NINJ2: variants seen among roughly 807,000 people sequenced by gnomAD.
The protein encoded by NINJ2 is ninjurin 2.
Under a neutral mutation model 11.7 loss-of-function variants are expected in NINJ2, and 12 were observed. That is an observed-to-expected ratio of 1.02 (90% CI 0.66 to 1.66). The LOEUF (loss-of-function observed/expected upper bound fraction) is 1.66. Ranked by LOEUF, NINJ2 falls within the 40% of genes most tolerant of loss-of-function variation. The pLI is 0.00. For synonymous variants in NINJ2, 93 were observed against 76.8 expected (o/e 1.21, Z -1.10); for missense variants, 187 against 181.8 (o/e 1.03, Z -0.16).
chr12:594,429 A>T (rs1947756634), intron 1 of NINJ2, among the ~76,000 whole-genome samples: 1 of 152,222 alleles, frequency 6.6e-6, no homozygotes, highest in African/African-American at 2.4e-5. Context: ...AACTACTTAC[A>T]TATAAATCTA....
chr12:589,431 C>CA (rs1455227068), intron 1 of NINJ2: 4 of 152,200 alleles, frequency 2.6e-5, no homozygotes, highest in African/African-American at 4.8e-5. Flanking sequence ...AGAATAAGCA[C>CA]AGGAAACAGA....
At chr12:578,239 CTCACTCGGG>C in intron 1 of NINJ2, among the ~76,000 whole-genome samples, 2 of 152,314 alleles carry the variant, frequency 1.3e-5, no homozygotes, top group East Asian at 3.9e-4. Flanking sequence ...ACAGGAATTG[CTCACTCGGG>C]GAGCTCGGTT....
intron 1 of NINJ2, among the ~76,000 whole-genome samples, chr12:601,515 T>C (rs1359205089): frequency 1.4e-5 from 2 of 144,794 alleles, no homozygotes; most frequent in East Asian, 4.2e-4. Context: ...GCCACTGCAC[T>C]CCAGCCTGGG....
chr12:576,439 G>A (rs144355757), intron 1 of NINJ2, among the ~76,000 whole-genome samples: 80 of 152,368 alleles, frequency 5.3e-4, no homozygotes, highest in African/African-American at 1.9e-3. Context: ...GGGAAGAACA[G>A]GAAAGCACGT....
chr12:652,754 C>T (rs1204149074), intron 1 of NINJ2, among the ~76,000 whole-genome samples: 1 of 151,688 alleles, frequency 6.6e-6, no homozygotes, highest in African/African-American at 2.4e-5. Flanking sequence ...TCAAGACCAG[C>T]CTGGCCAATA....
At chr12:660,435 G>T (rs1397689534) in intron 1 of NINJ2, among the ~76,000 whole-genome samples, 1 of 150,366 alleles carries the variant, frequency 6.7e-6, no homozygotes, top group Non-Finnish European at 1.5e-5. Flanking sequence ...CTGCCTCCCA[G>T]GTTCAAGCAA....
chr12:583,354 C>T (rs1947586042), intron 1 of NINJ2, among the ~76,000 whole-genome samples: 1 of 152,264 alleles, frequency 6.6e-6, no homozygotes, highest in Admixed American at 6.5e-5. Context: ...GTGTCAGGTC[C>T]CTGCTGTGCC....
intron 1 of NINJ2, chr12:643,311 G>GCA (rs1565646913): frequency 2.3e-6 from 1 of 443,120 alleles, no homozygotes; most frequent in East Asian, 1.6e-4. Context: ...GCACCGTCGC[G>GCA]GCCTCGCAGC....
At chr12:627,212 T>C (rs77311665) in intron 1 of NINJ2, among the ~76,000 whole-genome samples, 7,702 of 152,272 alleles carry the variant, frequency 0.051, 264 homozygotes, top group Non-Finnish European at 0.074. Flanking sequence ...AAGCAATATA[T>C]GGCAATAAGG....
rs1007443616 is a variant in NINJ2, at chr12:591,526, G to A, written c.34-25348C>T. 1.3e-5 allele frequency among the ~76,000 whole-genome samples: 2 copies of A among 152,132 alleles called. No homozygotes were observed. Among genetic ancestry groups the A allele is most frequent in the African/African-American group, 4.8e-5 (2 of 41,412 alleles). ...ACCTACTAGGTTGGTCAGAGGGTTGGGGGCAACTCTGATTGCAGAAGCTCT... is the reference window on the plus strand; with the variant it reads ...ACCTACTAGGTTGGTCAGAGGGTTGAGGGCAACTCTGATTGCAGAAGCTCT... On this transcript the variant is annotated intron_variant, in intron 1 of 3. Transcript: ENST00000305108. This position sits in a 1 kb window ranked among gnomAD's most constrained non-coding sequence, Gnocchi z 5.0.
At chr12:567,932 A>C (rs1020097267) in intron 1 of NINJ2, among the ~76,000 whole-genome samples, 1 of 152,184 alleles carries the variant, frequency 6.6e-6, no homozygotes, top group South Asian at 2.1e-4. Flanking sequence ...CACTTGAACC[A>C]GGAGGCAGAG....
chr12:622,028 T>G (rs1423810122), intron 1 of NINJ2, among the ~76,000 whole-genome samples: 2 of 142,880 alleles, frequency 1.4e-5, no homozygotes, highest in African/African-American at 2.6e-5. Context: ...GAGGCTGAGG[T>G]AGAGAACTGC....
rs188915069 is a variant in NINJ2 at position 619,182 on chromosome 12, T to C, written c.33+44146A>G. 2.7e-3 allele frequency among the ~76,000 whole-genome samples: 411 copies of C among 152,256 alleles called. 2 individuals are homozygous for C. Among genetic ancestry groups the C allele is most frequent in the Admixed American group, 0.01 (158 of 15,294 alleles). On this transcript the variant is annotated intron_variant, in intron 1 of 3. Transcript: ENST00000305108. ...CATTGGATGGAGTCCAGCAAGTATT[T>C]ATCAGGAGTTGATGGTGTGTGCAGC...
At chr12:576,019 T>G (rs1947453460) in intron 1 of NINJ2, among the ~76,000 whole-genome samples, 1 of 152,048 alleles carries the variant, frequency 6.6e-6, no homozygotes, top group Admixed American at 6.5e-5. Flanking sequence ...GCATGCAGGC[T>G]CCTGACTGCA....
In NINJ2 at chr12:614,372, G is replaced by A. The variant is rs1039416020; in HGVS notation, c.34-48194C>T. Among the ~76,000 whole-genome samples, 5 of 152,192 alleles carry A rather than the reference G, an allele frequency of 3.3e-5. No individual in the cohort carries two copies. Among genetic ancestry groups the A allele is most frequent in the Admixed American group, 6.5e-5 (1 of 15,278 alleles). ...CTTGGTCTTGGGAGAACATAAGTCT[G>A]GGTCGTTGGGTGGTGGCAGAACAAA... is the stretch of plus-strand genomic sequence containing the variant. On this transcript the variant is annotated intron_variant, in intron 1 of 3. Coordinates refer to ENST00000305108, the MANE Select transcript of NINJ2 (RefSeq NM_016533.6). The surrounding 1 kb of genome is among the most constrained non-coding windows in gnomAD (Gnocchi z 5.1).
intron 1 of NINJ2, among the ~76,000 whole-genome samples, chr12:648,055 G>A (rs958431862): frequency 6.6e-6 from 1 of 152,124 alleles, no homozygotes; most frequent in Non-Finnish European, 1.5e-5. Flanking sequence ...ATGGCAAATT[G>A]GATACATCAA....
chr12:607,260 T>C (rs999651437), intron 1 of NINJ2, among the ~76,000 whole-genome samples: 2 of 152,178 alleles, frequency 1.3e-5, no homozygotes, highest in African/African-American at 4.8e-5. Context: ...TGAGAAGCAC[T>C]GTCCTGATAT....
chr12:635,630 T>TA (rs1948342196), intron 1 of NINJ2, among the ~76,000 whole-genome samples: 1 of 152,196 alleles, frequency 6.6e-6, no homozygotes, highest in Non-Finnish European at 1.5e-5. Context: ...GTAAAACTCT[T>TA]ACAAGAAAAC....
chr12:582,880 C>T (rs879085366), intron 1 of NINJ2, among the ~76,000 whole-genome samples: 4 of 38,360 alleles, frequency 1.0e-4, no homozygotes, highest in East Asian at 8.2e-4. Context: ...AATGAATGGG[C>T]GCAGGCAGGC....
Sources: gnomAD v4.1 joint callset for allele counts (sites outside exome capture counted in the v4.1 genomes callset) on GRCh38, gnomAD v4.1.1 for gene constraint, Gnocchi (gnomAD v3.1) non-coding constraint, MANE v1.5 for transcripts, NCBI Gene and HGNC (gene_info 2026-07-23, HGNC 2026-07-21) for gene names.